The following RALYL variants were observed in gnomAD, a reference collection of about 807,000 sequenced individuals.
RALYL encodes RNA-binding Raly-like protein.
In RALYL, 29 loss-of-function variants were observed where a neutral mutation model predicts 35.1. The ratio of observed to expected loss-of-function variants is 0.83; its 90% confidence interval spans 0.61 to 1.13. RALYL has a LOEUF of 1.13. Ranked by LOEUF, RALYL falls within the 50% of genes most tolerant of loss-of-function variation. RALYL has a pLI of 0.00. For missense variants in RALYL, 359 were observed against 360.4 expected (o/e 1.00, Z 0.03); for synonymous variants, 120 against 127.6 (o/e 0.94, Z 0.40).
intron 6 of RALYL, chr8:84,864,842 C>A: frequency 1.8e-6 from 1 of 545,324 alleles, no homozygotes; most frequent in Non-Finnish European, 3.5e-6. Flanking sequence ...CAGTCACATC[C>A]CAGAGAGTAC....
intron 2 of RALYL, among the ~76,000 whole-genome samples, chr8:84,700,152 T>G (rs1253851972): frequency 6.6e-6 from 1 of 151,606 alleles, no homozygotes; most frequent in Non-Finnish European, 1.5e-5. Context: ...AAGATAAAAC[T>G]CAGATAAAAT....
At chr8:84,637,836 G>T (rs914961918) in intron 2 of RALYL, among the ~76,000 whole-genome samples, 10 of 151,814 alleles carry the variant, frequency 6.6e-5, no homozygotes, top group Admixed American at 4.0e-4. Flanking sequence ...GAACTTCTAA[G>T]TAAGCTCATA....
intron 1 of RALYL, among the ~76,000 whole-genome samples, chr8:84,323,625 A>G (rs1356466789): frequency 6.6e-6 from 1 of 152,110 alleles, no homozygotes. Flanking sequence ...CTGGTAAACC[A>G]GCACATCAGT....
intron 2 of RALYL, among the ~76,000 whole-genome samples, chr8:84,574,093 G>A (rs1808731852): frequency 6.6e-6 from 1 of 151,974 alleles, no homozygotes; most frequent in Non-Finnish European, 1.5e-5. Flanking sequence ...AGTCTTTAAA[G>A]AGTTTAGGCT....
At chr8:84,478,846 G>A (rs2053705699) in intron 1 of RALYL, among the ~76,000 whole-genome samples, 1 of 150,444 alleles carries the variant, frequency 6.6e-6, no homozygotes, top group Non-Finnish European at 1.5e-5. Context: ...CAGCACTTTG[G>A]GAGGCGGAGG....
intron 2 of RALYL, among the ~76,000 whole-genome samples, chr8:84,729,804 G>T (rs545496890): frequency 1.3e-4 from 20 of 152,144 alleles, no homozygotes; most frequent in Admixed American, 1.2e-3. Context: ...TAAATTCCTC[G>T]ACATATACAC....
chr8:84,715,554 G>C (rs955571160), intron 2 of RALYL, among the ~76,000 whole-genome samples: 1 of 151,926 alleles, frequency 6.6e-6, no homozygotes, highest in Non-Finnish European at 1.5e-5. Context: ...CTTGAGGAAA[G>C]TTTTACATAA....
intron 1 of RALYL, among the ~76,000 whole-genome samples, chr8:84,353,924 T>C (rs916650185): frequency 6.7e-6 from 1 of 150,374 alleles, no homozygotes; most frequent in Non-Finnish European, 1.5e-5. Context: ...TTTTTGACTT[T>C]AAAGCATATA....
At chr8:84,789,507 A>G (rs1174255000) in intron 3 of RALYL, among the ~76,000 whole-genome samples, 1 of 152,084 alleles carries the variant, frequency 6.6e-6, no homozygotes, top group Non-Finnish European at 1.5e-5. Flanking sequence ...TGTTACTCCA[A>G]CTCAATATAG....
chr8:84,375,993 C>A (rs113508926), intron 1 of RALYL, among the ~76,000 whole-genome samples: 4,485 of 151,766 alleles, frequency 0.03, 211 homozygotes, highest in African/African-American at 0.1. Flanking sequence ...TAACATTTTC[C>A]GAAAGTGAAA....
intron 1 of RALYL, among the ~76,000 whole-genome samples, chr8:84,270,004 A>G (rs1473211423): frequency 6.6e-6 from 1 of 152,102 alleles, no homozygotes; most frequent in Admixed American, 6.5e-5. Flanking sequence ...TGCCTCAATT[A>G]TAGTAGACAT....
At chr8:84,253,161 G>A (rs1162103180) in intron 1 of RALYL, among the ~76,000 whole-genome samples, 1 of 128,746 alleles carries the variant, frequency 7.8e-6, no homozygotes, top group East Asian at 2.2e-4. Flanking sequence ...GTATGTGTCT[G>A]TGTGTAGTTC....
chr8:84,475,062 C>A (rs1277356594), intron 1 of RALYL, among the ~76,000 whole-genome samples: 1 of 151,900 alleles, frequency 6.6e-6, no homozygotes, highest in South Asian at 2.1e-4. Flanking sequence ...CCTCCCCCAG[C>A]CCCCCACCCA....
intron 1 of RALYL, among the ~76,000 whole-genome samples, chr8:84,233,246 A>G (rs1048998180): frequency 1.4e-4 from 22 of 152,144 alleles, no homozygotes; most frequent in African/African-American, 5.1e-4. Context: ...TGGGCTCCCA[A>G]AGCTCTGGGA....
intron 2 of RALYL, among the ~76,000 whole-genome samples, chr8:84,724,700 A>G (rs889401146): frequency 6.6e-6 from 1 of 151,678 alleles, no homozygotes; most frequent in Admixed American, 6.6e-5. Context: ...CAATTATCCC[A>G]TTGGATTTTA....
chr8:84,649,629 C>T (rs891248150), intron 2 of RALYL, among the ~76,000 whole-genome samples: 26 of 151,984 alleles, frequency 1.7e-4, no homozygotes, highest in Admixed American at 8.5e-4. Flanking sequence ...TGTTCTGTTC[C>T]ATTGATCTAT....
rs1205445241 is a variant in RALYL at position 84,812,137 on chromosome 8, G to T, written c.365+7335G>T. Among the ~76,000 whole-genome samples the T allele has an allele frequency of 6.6e-5, 10 of 152,252 alleles. No individual in the cohort carries two copies. The East Asian group carries it at 1.9e-3, about 29-fold the overall frequency. ...TTTCATTTGGGTAGGCGCTGTCAGA[G>T]GGAAGGTCTAGGGCTGAAGGCTGTT... On this transcript the variant is annotated intron_variant, in intron 4 of 8. Coordinates refer to ENST00000521268, the MANE Select transcript of RALYL (RefSeq NM_173848.7).
At chr8:84,828,148 GAT>G (rs1291253718) in intron 4 of RALYL, among the ~76,000 whole-genome samples, 2 of 152,034 alleles carry the variant, frequency 1.3e-5, no homozygotes, top group Non-Finnish European at 2.9e-5. Context: ...TGTGTATTTA[GAT>G]ATGTTTATTT....
At chr8:84,842,989 T>TA (rs1203610655) in intron 4 of RALYL, among the ~76,000 whole-genome samples, 1 of 152,136 alleles carries the variant, frequency 6.6e-6, no homozygotes, top group Non-Finnish European at 1.5e-5. Flanking sequence ...GAGCTATCTA[T>TA]AACAAACCCA....
Sources: allele counts gnomAD v4.1 joint callset (sites outside exome capture counted in the v4.1 genomes callset), GRCh38; gene constraint gnomAD v4.1.1; transcripts MANE v1.5; gene names NCBI Gene and HGNC (gene_info 2026-07-23, HGNC 2026-07-21).